Variants in BIRC3 observed in about 807,000 individuals in gnomAD.
BIRC3 encodes the protein baculoviral IAP repeat containing 3.
A neutral mutation model predicts 59.0 loss-of-function variants in BIRC3; 26 were observed. That is an observed-to-expected ratio of 0.44 (90% CI 0.32 to 0.61). The LOEUF (loss-of-function observed/expected upper bound fraction) is 0.61, where lower values mean the gene tolerates loss of function less well. Ranked by LOEUF, BIRC3 falls within the 20% of genes least tolerant of loss-of-function variation. The probability of loss-of-function intolerance (pLI) is 0.04; values close to 1 mark genes in which losing one functional copy is unlikely to be tolerated. For synonymous variants in BIRC3, 243 were observed against 249.2 expected (o/e 0.98, Z 0.24); for missense variants, 641 against 711.5 (o/e 0.90, Z 1.13).
At chr11:102,335,891 C>A in intron 6 of BIRC3, 75 bp from the exon 7 acceptor site, 1 of 1,422,474 alleles carries the variant, frequency 7.0e-7, no homozygotes, top group South Asian at 1.4e-5. Context: ...TTTTATCCTG[C>A]TATATATATA....
chr11:102,317,893 A>G (rs1565319554), intron 1 of BIRC3, among the ~76,000 whole-genome samples: 4 of 152,348 alleles, frequency 2.6e-5, no homozygotes, highest in South Asian at 2.1e-4. Context: ...GCAGGTGCCA[A>G]ATAAATTTCA....
chr11:102,332,470 T>A (rs1292172377), intron 6 of BIRC3, among the ~76,000 whole-genome samples: 1 of 152,252 alleles, frequency 6.6e-6, no homozygotes, highest in East Asian at 1.9e-4. Flanking sequence ...GGTTCATCTC[T>A]GTGTAGCTTT....
chr11:102,333,636 C>T (rs983375333), intron 6 of BIRC3, among the ~76,000 whole-genome samples: 7 of 151,630 alleles, frequency 4.6e-5, no homozygotes, highest in African/African-American at 1.7e-4. Flanking sequence ...AAGGCAACTA[C>T]TCAGGAGGCT....
chr11:102,325,712 A>G (rs1951074340), intron 3 of BIRC3, 147 bp downstream of exon 3: 1 of 718,060 alleles, frequency 1.4e-6, no homozygotes, highest in Non-Finnish European at 2.1e-6. Context: ...TAAAATACTT[A>G]CTTAAAAAGT....
At chr11:102,325,441 A>G in intron 2 of BIRC3, 25 bp from the exon 3 acceptor site, 1 of 1,605,124 alleles carries the variant, frequency 6.2e-7, no homozygotes, top group Non-Finnish European at 8.5e-7. Flanking sequence ...TGTATTCATA[A>G]GTTTTGGTCT....
At chr11:102,328,226 G>C in intron 4 of BIRC3, 96 bp downstream of exon 4, 1 of 911,378 alleles carries the variant, frequency 1.1e-6, no homozygotes, top group South Asian at 1.6e-5. Flanking sequence ...GACAAGAGTT[G>C]TTTTAGAAAT....
chr11:102,330,475 G>A (rs1951127775), intron 5 of BIRC3, among the ~76,000 whole-genome samples: 1 of 152,184 alleles, frequency 6.6e-6, no homozygotes, highest in African/African-American at 2.4e-5. Context: ...GACTTTGTAA[G>A]ACACTTTATT....
Position 102,337,134 on chromosome 11 carries a change from A to T in BIRC3, c.*32A>T. 1 of 1,371,454 alleles carries T rather than the reference A, an allele frequency of 7.3e-7. No individual in the cohort carries two copies. The highest frequency in any genetic ancestry group is 9.5e-7 in the Non-Finnish European group (1 of 1,051,208). 85.0% of individuals were successfully genotyped at this position (1,371,454 alleles called of 1,614,324 possible). On this transcript the variant is annotated 3_prime_UTR_variant, in exon 9 of 9. Coordinates refer to ENST00000263464, the MANE Select transcript of BIRC3 (RefSeq NM_001165.5). ...ACCAAAACATCGTCTAAACTTTAGA[A>T]TTAATTTATTAAATGTATTATAACT...
At chr11:102,331,492 C>T (rs1404644875) in intron 6 of BIRC3, among the ~76,000 whole-genome samples, 3 of 151,858 alleles carry the variant, frequency 2.0e-5, no homozygotes, top group Non-Finnish European at 2.9e-5. Context: ...ATTTTTTTCT[C>T]TGGATAGCTG....
chr11:102,320,086 C>T (rs1454704234), intron 1 of BIRC3: 1 of 151,912 alleles, frequency 6.6e-6, no homozygotes, highest in Non-Finnish European at 1.5e-5. Flanking sequence ...CCAGCCTGGT[C>T]TCGAACTCCT....
chr11:102,317,558 C>G lies in BIRC3; in HGVS notation c.-2687C>G. On this transcript the variant is annotated 5_prime_UTR_variant, in exon 1 of 9. Coordinates refer to ENST00000263464, the MANE Select transcript of BIRC3 (RefSeq NM_001165.5). ...TCCTTGCTGGTGCATGCGTCGTCGG[C>G]CTCTGGGCAGCAGGTGGGCAAGGAA... The G allele has an allele frequency of 6.5e-6, 1 of 153,446 alleles. No homozygotes were observed. The highest frequency in any genetic ancestry group is 1.4e-5 in the Non-Finnish European group (1 of 69,000). The allele number at this position is 153,446 out of a possible 1,614,324, so 9.5% of individuals were successfully genotyped here.
Position 102,324,889 on chromosome 11 carries a change from G to A in BIRC3, c.380G>A (p.Gly127Asp). Residue 127 changes from glycine (G) to aspartate (D), a missense_variant, in exon 2 of 9, where the codon GGT (glycine) becomes GAT (aspartate). Around this residue, in one of 4 missense-constraint regions of BIRC3, gnomAD observed 329 missense variants for 365.6 expected, o/e 0.90. Transcript: ENST00000263464. ...VTNSTHSLLP[G>D]TENSGYFRGS... ...AATTCCACACACTCATTACTTCCGG[G>A]TACAGAAAACAGTGGATATTTCCGT... is the stretch of plus-strand genomic sequence containing the variant. 1.2e-6 allele frequency: 2 copies of A among 1,614,078 alleles called. No individual in the cohort carries two copies. Among genetic ancestry groups the A allele is most frequent in the Non-Finnish European group, 1.7e-6 (2 of 1,180,018 alleles).
Position 102,337,162 on chromosome 11 carries a change from A to C in BIRC3, c.*60A>C, listed in dbSNP as rs183114032. On this transcript the variant is annotated 3_prime_UTR_variant, in exon 9 of 9. Coordinates refer to ENST00000263464, the MANE Select transcript of BIRC3 (RefSeq NM_001165.5). Reference sequence around the variant, plus strand: ...AATTTATTAAATGTATTATAACTTTAACTTTTATCCTAATTTGGTTTCCTT... The same window carrying C: ...AATTTATTAAATGTATTATAACTTTCACTTTTATCCTAATTTGGTTTCCTT... The C allele has an allele frequency of 1.4e-5, 18 of 1,254,894 alleles. No homozygotes were observed. The East Asian group carries it at 4.3e-4, about 30-fold the overall frequency. The allele number at this position is 1,254,894 out of a possible 1,614,324, so 77.7% of individuals were successfully genotyped here.
chr11:102,322,108 G>C lies in BIRC3; in HGVS notation c.-2402G>C, dbSNP rs1055386513. ...TGGAAATAAAGGAAAAGTGATTCTA[G>C]CTGGGGCATATTGTTAAAGCATTTT... On this transcript the variant is annotated 5_prime_UTR_variant, in exon 2 of 9. Coordinates refer to ENST00000263464, the MANE Select transcript of BIRC3 (RefSeq NM_001165.5). 1 of 202,206 alleles carries C rather than the reference G, an allele frequency of 4.9e-6. No individual in the cohort carries two copies. Among genetic ancestry groups the C allele is most frequent in the African/African-American group, 2.3e-5 (1 of 43,570 alleles). The allele number at this position is 202,206 out of a possible 1,614,324, so 12.5% of individuals were successfully genotyped here.
rs745717021 is a variant in BIRC3 at position 102,328,875 on chromosome 11, TATA to T, written c.1033-21_1033-19del. The T allele has an allele frequency of 1.6e-3, 1,328 of 834,004 alleles. 4 individuals are homozygous for T. The highest frequency in any genetic ancestry group is 9.6e-3 in the African/African-American group (502 of 52,418). 51.7% of individuals were successfully genotyped at this position (834,004 alleles called of 1,614,324 possible). On this transcript the variant is annotated intron_variant, in intron 4 of 8. Coordinates refer to ENST00000263464, the MANE Select transcript of BIRC3 (RefSeq NM_001165.5). ...ATTTTAATTTATATATATATATATA[TATA>T]TATTTTTTTTTTCTGCAGCTGCTAT... is the stretch of plus-strand genomic sequence containing the variant.
At chr11:102,318,074 G>T (rs932803968) in intron 1 of BIRC3, among the ~76,000 whole-genome samples, 1 of 152,104 alleles carries the variant, frequency 6.6e-6, no homozygotes, top group African/African-American at 2.4e-5. Context: ...ATTGTCGAAG[G>T]CATGTACCTG....
Position 102,324,737 on chromosome 11 carries a change from G to C in BIRC3, c.228G>C (p.Trp76Cys). ...GTTGTGGCCTGATGCTGGATAACTG[G>C]AAAAGAGGAGACAGTCCTACTGAAA... ...CFCCGLMLDN[W>C]KRGDSPTEKH... Residue 76 changes from tryptophan (W) to cysteine (C), a missense_variant, in exon 2 of 9, where the codon TGG becomes TGC. Physicochemically the swap from Trp to Cys is radical, Grantham distance 215. Coordinates refer to ENST00000263464, the MANE Select transcript of BIRC3 (RefSeq NM_001165.5). 1 of 1,614,174 alleles carries C rather than the reference G, an allele frequency of 6.2e-7. No homozygotes were observed.
chr11:102,330,168 A>G (rs1951125283), intron 5 of BIRC3, among the ~76,000 whole-genome samples: 1 of 152,198 alleles, frequency 6.6e-6, no homozygotes, highest in African/African-American at 2.4e-5. Context: ...GTAGGAGTTA[A>G]CCGAGTGACA....
Position 102,324,723 on chromosome 11 carries a change from A to C in BIRC3, c.214A>C (p.Met72Leu). 1 of 1,614,182 alleles carries C rather than the reference A, an allele frequency of 6.2e-7. No individual in the cohort carries two copies. ...DKVKCFCCGL[M>L]LDNWKRGDSP... is the part of the protein sequence containing the mutation. ...GGTCAAATGCTTCTGTTGTGGCCTG[A>C]TGCTGGATAACTGGAAAAGAGGAGA... is the stretch of plus-strand genomic sequence containing the variant. The change falls in exon 2 of 9, where the codon ATG becomes CTG. Residue 72 changes from methionine (M) to leucine (L), a missense_variant. By Grantham distance (15) the Met-to-Leu change is conservative. Coordinates refer to ENST00000263464, the MANE Select transcript of BIRC3 (RefSeq NM_001165.5).
Sources: allele counts gnomAD v4.1 joint callset (sites outside exome capture counted in the v4.1 genomes callset), GRCh38; gene constraint gnomAD v4.1.1; regional missense constraint gnomAD v4.1.1; transcripts MANE v1.5; gene names NCBI Gene and HGNC (gene_info 2026-07-23, HGNC 2026-07-21).